Variants in EBF3 observed in about 807,000 individuals in gnomAD.
EBF3 encodes EBF transcription factor 3, also known as transcription factor COE3.
Under a neutral mutation model 77.1 loss-of-function variants are expected in EBF3, and 18 were observed. That is an observed-to-expected ratio of 0.23 (90% CI 0.16 to 0.35). The LOEUF (loss-of-function observed/expected upper bound fraction) is 0.35, where lower values mean the gene tolerates loss of function less well. EBF3 is among the 10% of genes least tolerant of loss of function. The pLI is 1.00. For missense variants in EBF3, 558 were observed against 860.0 expected, an observed-to-expected ratio of 0.65 and a Z score of 4.39; for synonymous variants, 350 against 343.5, an observed-to-expected ratio of 1.02 and a Z score of -0.21.
rs1193539598 is a variant in EBF3 at position 129,875,187 on chromosome 10, C to CTTTTT, written c.637-1596_637-1592dup. Among the ~76,000 whole-genome samples, 13 of 92,940 alleles carry CTTTTT rather than the reference C, an allele frequency of 1.4e-4. 1 individual carries two copies. Among genetic ancestry groups the CTTTTT allele is most frequent in the East Asian group, 1.3e-3 (4 of 2,968 alleles). The allele number at this position is 92,940 out of a possible 152,430, so 61.0% of individuals were successfully genotyped here. On this transcript the variant is annotated intron_variant, in intron 7 of 16. Transcript: ENST00000440978. Reference sequence around the variant, plus strand: ...ATACATGTGCAAGTGATGGCTTCTTCTTTTTTTTTTTTTTTTTTTTTTTTT... The same window carrying CTTTTT: ...ATACATGTGCAAGTGATGGCTTCTTCTTTTTTTTTTTTTTTTTTTTTTTTTTTTTT...
chr10:129,857,645 A>T (rs1405509122), intron 10 of EBF3, among the ~76,000 whole-genome samples: 1 of 152,208 alleles, frequency 6.6e-6, no homozygotes, highest in East Asian at 1.9e-4. Context: ...TCAGTGTGAT[A>T]GCAAATGTGG....
chr10:129,898,952 G>A (rs1203849295), intron 6 of EBF3, among the ~76,000 whole-genome samples: 1 of 152,220 alleles, frequency 6.6e-6, no homozygotes, highest in Non-Finnish European at 1.5e-5. Flanking sequence ...GTAAGGAGAA[G>A]ACGTTTTTGG....
intron 10 of EBF3, among the ~76,000 whole-genome samples, chr10:129,851,832 A>G (rs761529577): frequency 3.9e-5 from 6 of 152,242 alleles, no homozygotes; most frequent in Non-Finnish European, 8.8e-5. Flanking sequence ...GCCATAAGAT[A>G]TTAACATTCC....
chr10:129,884,864 G>A (rs1052232620), intron 6 of EBF3, among the ~76,000 whole-genome samples: 6 of 152,194 alleles, frequency 3.9e-5, no homozygotes, highest in South Asian at 2.1e-4. Flanking sequence ...AGCCGAGCCC[G>A]TCTCTAGTGG....
chr10:129,884,556 T>C (rs558969102), intron 6 of EBF3, among the ~76,000 whole-genome samples: 1 of 152,342 alleles, frequency 6.6e-6, no homozygotes, highest in African/African-American at 2.4e-5. Context: ...ACATTTCAAG[T>C]TATGGGTCTC....
chr10:129,862,562 C>A (rs908721359), intron 10 of EBF3, among the ~76,000 whole-genome samples: 1 of 152,164 alleles, frequency 6.6e-6, no homozygotes, highest in Non-Finnish European at 1.5e-5. Context: ...CAGCCACGTC[C>A]CCAGGGTCCC....
Position 129,841,076 on chromosome 10 carries a change from C to T in EBF3, c.1373-44G>A, listed in dbSNP as rs372951999. On this transcript the variant is annotated intron_variant, in intron 13 of 16. Transcript: ENST00000440978. This position sits in a 1 kb window ranked among gnomAD's most constrained non-coding sequence, Gnocchi z 4.6. ...CGGCCAAAAATAACATTATTATCAG[C>T]GACAGACACTTGGGGGGGGTTCCCC... The T allele has an allele frequency of 4.3e-4, 693 of 1,596,224 alleles. No homozygotes were observed. Among genetic ancestry groups the T allele is most frequent in the African/African-American group, 2.7e-3 (200 of 74,358 alleles).
rs760913791 is a variant in EBF3 at position 129,835,992 on chromosome 10, T to C, written c.*1951A>G. ...ACAAAAATGTATTGTTAAAAAAAAA[T>C]TGAAAACCAGCAGTGATTTGGGTCC... On this transcript the variant is annotated 3_prime_UTR_variant, in exon 17 of 17. Transcript: ENST00000440978. The C allele has an allele frequency of 1.3e-5, 2 of 152,456 alleles. No individual in the cohort carries two copies. The highest frequency in any genetic ancestry group is 1.9e-4 in the East Asian group (1 of 5,190). 9.4% of individuals were successfully genotyped at this position (152,456 alleles called of 1,614,324 possible). A position where few individuals can be genotyped will look rare whatever the true frequency, so the allele number is the denominator to read the frequency against.
chr10:129,878,218 A>C (rs907359964), intron 6 of EBF3, among the ~76,000 whole-genome samples: 3 of 152,240 alleles, frequency 2.0e-5, no homozygotes, highest in Non-Finnish European at 4.4e-5. Context: ...AAGGATGCCT[A>C]GTTAAATTTG....
Position 129,963,382 on chromosome 10 carries a change from A to G in EBF3, c.276T>C (p.Phe92=), listed in dbSNP as rs749488451. The change falls in exon 2 of 17, where the codon TTT becomes TTC. Residue 92 remains phenylalanine (F), a synonymous_variant. Transcript: ENST00000440978. This position sits in a 1 kb window ranked among gnomAD's most constrained non-coding sequence, Gnocchi z 7.1. The part of the protein sequence containing the change: ...VEIERTAFVD[F]VEKEKEPNNE... ...TTGCACTTACTTTCTCTTTCTCCAC[A>G]AAGTCCACAAAAGCGGTCCTTTCAA... is the stretch of plus-strand genomic sequence containing the variant. The G allele has an allele frequency of 1.9e-6, 3 of 1,585,398 alleles. No homozygotes were observed. Among genetic ancestry groups the G allele is most frequent in the Non-Finnish European group, 2.6e-6 (3 of 1,166,242 alleles).
At chr10:129,909,561 G>A (rs1855373023) in intron 6 of EBF3, among the ~76,000 whole-genome samples, 1 of 152,230 alleles carries the variant, frequency 6.6e-6, no homozygotes, top group Non-Finnish European at 1.5e-5. Flanking sequence ...CTTTGGAGCA[G>A]CAGCTAAGCC....
Position 129,947,063 on chromosome 10 carries a change from A to G in EBF3, c.554+10195T>C, listed in dbSNP as rs561980326. 2.2e-4 allele frequency among the ~76,000 whole-genome samples: 33 copies of G among 152,212 alleles called. No homozygotes were observed. The highest frequency in any genetic ancestry group is 1.8e-3 in the Admixed American group (27 of 15,288). ...ACAGTGGGGACCAGCAGCACGTCCA[A>G]TCCAATCCCCCACTTGTTTCCTGAC... On this transcript the variant is annotated intron_variant, in intron 6 of 16. Coordinates refer to ENST00000440978, the MANE Select transcript of EBF3 (RefSeq NM_001375380.1). This position sits in a 1 kb window ranked among gnomAD's most constrained non-coding sequence, Gnocchi z 4.5.
chr10:129,855,115 C>T (rs572806045), intron 10 of EBF3, among the ~76,000 whole-genome samples: 1 of 152,262 alleles, frequency 6.6e-6, no homozygotes, highest in Non-Finnish European at 1.5e-5. Context: ...TCCCCCCAAC[C>T]CGCTCACTGC....
chr10:129,880,444 TAC>T (rs1246282757), intron 6 of EBF3, among the ~76,000 whole-genome samples: 2 of 151,568 alleles, frequency 1.3e-5, no homozygotes, highest in Non-Finnish European at 2.9e-5. Context: ...CACACGCGCA[TAC>T]ACATACACAT....
intron 6 of EBF3, among the ~76,000 whole-genome samples, chr10:129,904,733 T>TATCCATCC (rs140472832): frequency 0.14 from 21,068 of 151,748 alleles, 1,798 homozygotes; most frequent in Admixed American, 0.28. Flanking sequence ...TAGATCTCTC[T>TATCCATCC]ATCCATCCAT....
At chr10:129,939,899 A>T (rs1857611598) in intron 6 of EBF3, among the ~76,000 whole-genome samples, 1 of 152,244 alleles carries the variant, frequency 6.6e-6, no homozygotes, top group Non-Finnish European at 1.5e-5. Context: ...ACGAGGAGTT[A>T]TGCTAAGACC....
chr10:129,962,033 G>A (rs1298300374), intron 4 of EBF3, 138 bp downstream of exon 4: 1 of 739,410 alleles, frequency 1.4e-6, no homozygotes, highest in Non-Finnish European at 2.3e-6. Context: ...CAATAAATAT[G>A]GAATTCTCAT....
At chr10:129,875,801 C>T (rs892543433) in intron 7 of EBF3, among the ~76,000 whole-genome samples, 3 of 152,232 alleles carry the variant, frequency 2.0e-5, no homozygotes, top group African/African-American at 7.2e-5. Flanking sequence ...TTTGGTACCA[C>T]GAGTGGGCCT....
intron 10 of EBF3, among the ~76,000 whole-genome samples, chr10:129,852,621 A>C (rs1165184685): frequency 6.6e-6 from 1 of 152,238 alleles, no homozygotes; most frequent in Non-Finnish European, 1.5e-5. Flanking sequence ...TTATTTTATT[A>C]GACCTGAATA....
Sources: gnomAD v4.1 joint callset for allele counts (sites outside exome capture counted in the v4.1 genomes callset) on GRCh38, gnomAD v4.1.1 for gene constraint, Gnocchi (gnomAD v3.1) non-coding constraint, MANE v1.5 for transcripts, NCBI Gene and HGNC (gene_info 2026-07-23, HGNC 2026-07-21) for gene names.